COL11A1: variants seen among roughly 807,000 people sequenced by gnomAD.
The protein encoded by COL11A1 is collagen type XI alpha 1 chain.
COL11A1 carries 74 observed loss-of-function variants against 265.2 expected under a neutral mutation model. The observed-to-expected ratio is 0.28, with a 90% CI of 0.23 to 0.34. COL11A1 has a LOEUF of 0.34. COL11A1 is among the 10% of genes least tolerant of loss of function. COL11A1 has a pLI of 1.00. For synonymous variants in COL11A1, 816 were observed against 727.6 expected, an observed-to-expected ratio of 1.12 and a Z score of -1.96; for missense variants, 2,165 against 2,263.6, an observed-to-expected ratio of 0.96 and a Z score of 0.88.
At chr1:103,022,183 A>G (rs1667149252) in intron 8 of COL11A1, among the ~76,000 whole-genome samples, 3 of 152,126 alleles carry the variant, frequency 2.0e-5, no homozygotes, top group South Asian at 2.1e-4. Flanking sequence ...AAGATAATTT[A>G]GTAAACTAAA....
At chr1:103,004,232 C>T (rs905679387) in intron 20 of COL11A1, among the ~76,000 whole-genome samples, 1 of 151,998 alleles carries the variant, frequency 6.6e-6, no homozygotes, top group Non-Finnish European at 1.5e-5. Context: ...TGTTACATTC[C>T]ACAGATTTTT....
chr1:103,090,150 A>G (rs1673203065), intron 1 of COL11A1, among the ~76,000 whole-genome samples: 1 of 151,294 alleles, frequency 6.6e-6, no homozygotes, highest in Admixed American at 6.6e-5. Flanking sequence ...AATAAATAAT[A>G]AAATAAAATA....
chr1:102,954,849 TA>T lies in COL11A1; in HGVS notation c.3168+7016del, dbSNP rs144235911. ...ACAAGAGCGAAACTCCCTCTTGAAA[TA>T]AAAAAAAAAAAAAAAGAAGTTGACC... On this transcript the variant is annotated intron_variant, in intron 41 of 66. Transcript: ENST00000370096. 5.2e-3 allele frequency among the ~76,000 whole-genome samples: 728 copies of T among 139,980 alleles called. 3 individuals are homozygous for T. Among genetic ancestry groups the T allele is most frequent in the African/African-American group, 0.016 (570 of 36,360 alleles). 91.8% of individuals were successfully genotyped at this position (139,980 alleles called of 152,430 possible). A position where few individuals can be genotyped will look rare whatever the true frequency, so the allele number is the denominator to read the frequency against.
intron 54 of COL11A1, among the ~76,000 whole-genome samples, chr1:102,906,161 AT>A (rs1469243143): frequency 6.6e-6 from 1 of 152,118 alleles, no homozygotes; most frequent in Non-Finnish European, 1.5e-5. Flanking sequence ...CATTTTCTTA[AT>A]TTAGTCCTCA....
intron 51 of COL11A1, 145 bp from the exon 52 acceptor site, chr1:102,914,550 T>A: frequency 9.9e-7 from 1 of 1,006,620 alleles, no homozygotes; most frequent in Non-Finnish European, 1.5e-6. Context: ...TCTAAAGAAT[T>A]AATTCAATTG....
At chr1:102,972,444 G>A (rs1392338424) in intron 36 of COL11A1, among the ~76,000 whole-genome samples, 1 of 152,092 alleles carries the variant, frequency 6.6e-6, no homozygotes, top group African/African-American at 2.4e-5. Flanking sequence ...GGCTTTCCTA[G>A]ATAGACTGAG....
At position 103,002,766 on chromosome 1, in the gene COL11A1, G is replaced by A. The variant is rs2101832656; in HGVS notation, c.2024C>T (p.Pro675Leu). Residue 675 changes from proline to leucine, a missense_variant, in exon 22 of 67, where the codon CCA (proline) becomes CTA (leucine). Physicochemically the swap from Pro to Leu is moderately conservative, Grantham distance 98. Coordinates refer to ENST00000370096, the MANE Select transcript of COL11A1 (RefSeq NM_001854.4). ...QPGMAGVDGP[P>L]GPKGNMGPQG... is the part of the protein sequence containing the mutation. ...ACATACCATGTTCCCTTTTGGTCCT[G>A]GGGGGCCATCTACACCTGCCATACC... 6 of 1,612,120 alleles carry A rather than the reference G, an allele frequency of 3.7e-6. No individual in the cohort carries two copies. Among genetic ancestry groups the A allele is most frequent in the Non-Finnish European group, 5.1e-6 (6 of 1,178,642 alleles).
At chr1:103,025,400 G>T (rs545103398) in intron 7 of COL11A1, 121 bp downstream of exon 7, 1 of 766,296 alleles carries the variant, frequency 1.3e-6, no homozygotes, top group Admixed American at 2.2e-5. Flanking sequence ...TCTTACTTTA[G>T]TAAAAGAATA....
At chr1:102,942,209 A>T (rs1658792996) in intron 42 of COL11A1, among the ~76,000 whole-genome samples, 1 of 152,198 alleles carries the variant, frequency 6.6e-6, no homozygotes, top group Non-Finnish European at 1.5e-5. Flanking sequence ...TGATTCAGAT[A>T]GTTCCCCTTA....
intron 54 of COL11A1, among the ~76,000 whole-genome samples, chr1:102,911,264 A>G (rs915958792): frequency 6.6e-6 from 1 of 152,178 alleles, no homozygotes; most frequent in African/African-American, 2.4e-5. Flanking sequence ...AAATGTTTGT[A>G]AATATTGATT....
At chr1:103,065,303 G>A (rs1671019254) in intron 4 of COL11A1, among the ~76,000 whole-genome samples, 1 of 151,986 alleles carries the variant, frequency 6.6e-6, no homozygotes, top group Non-Finnish European at 1.5e-5. Flanking sequence ...GGAGGATCAC[G>A]AGGTCAGGAG....
At position 103,022,854 on chromosome 1, in the gene COL11A1, A is replaced by T; in HGVS notation, c.1133T>A (p.Leu378Ter). Residue 378 changes from leucine to a stop codon, truncating the protein, a stop_gained, in exon 8 of 67, where the codon TTA becomes TAA. Coordinates refer to ENST00000370096, the MANE Select transcript of COL11A1 (RefSeq NM_001854.4). LOFTEE classifies it high-confidence loss of function. ...RDSDLLVDGD[L>*]GEYDFYEYKE... is the part of the protein sequence containing the mutation. ...ATATTCATAAAAATCATATTCGCCT[A>T]AATCTCCATCTACCAGAAGATCAGA... The T allele has an allele frequency of 6.2e-7, 1 of 1,613,968 alleles. No homozygotes were observed. The highest frequency in any genetic ancestry group is 8.5e-7 in the Non-Finnish European group (1 of 1,179,958).
At position 103,025,665 on chromosome 1, in the gene COL11A1, G is replaced by A. The variant is rs759600662; in HGVS notation, c.898-52C>T. 5 of 1,572,788 alleles carry A rather than the reference G, an allele frequency of 3.2e-6. No individual in the cohort carries two copies. The South Asian group carries it at 3.3e-5, about 10-fold the overall frequency. On this transcript the variant is annotated intron_variant, in intron 6 of 66. Coordinates refer to ENST00000370096, the MANE Select transcript of COL11A1 (RefSeq NM_001854.4). ...GTAAACATGTAAGGTGATCCCAAAT[G>A]TATGGAAATCATGATTTAATTGGGT... is the stretch of plus-strand genomic sequence containing the variant.
At chr1:103,085,756 T>C (rs1017323225) in intron 1 of COL11A1, among the ~76,000 whole-genome samples, 1 of 152,196 alleles carries the variant, frequency 6.6e-6, no homozygotes, top group Non-Finnish European at 1.5e-5. Context: ...GCAACGGCTA[T>C]GTTTTTAAGC....
intron 4 of COL11A1, among the ~76,000 whole-genome samples, chr1:103,067,272 G>A (rs1671231690): frequency 6.6e-6 from 1 of 151,736 alleles, no homozygotes; most frequent in South Asian, 2.1e-4. Context: ...AAATCTAAAT[G>A]GATTGAGATC....
chr1:103,094,079 G>A (rs746302794), intron 1 of COL11A1, among the ~76,000 whole-genome samples: 42 of 152,038 alleles, frequency 2.8e-4, no homozygotes, highest in Non-Finnish European at 5.9e-4. Context: ...GGCTTCACAG[G>A]ATTTGCAGCA....
At chr1:102,937,746 A>G (rs1159673946) in intron 44 of COL11A1, among the ~76,000 whole-genome samples, 1 of 152,182 alleles carries the variant, frequency 6.6e-6, no homozygotes, top group East Asian at 1.9e-4. Context: ...AGCAGATGCC[A>G]GCCCCAGGCT....
chr1:103,063,513 CATGCAAAAAAATATCT>C (rs1670835186), intron 4 of COL11A1, among the ~76,000 whole-genome samples: 1 of 151,914 alleles, frequency 6.6e-6, no homozygotes, highest in Non-Finnish European at 1.5e-5. Context: ...TGGACAGCCA[CATGCAAAAAAATATCT>C]AAATACAAAC....
At chr1:102,974,179 A>AAAACAAAC (rs142086527) in intron 36 of COL11A1, among the ~76,000 whole-genome samples, 1,842 of 151,636 alleles carry the variant, frequency 0.012, 45 homozygotes, top group African/African-American at 0.042. Context: ...AGGAGGTTGC[A>AAAACAAAC]AAACAAACAA....
Sources: gnomAD v4.1 joint callset for allele counts (sites outside exome capture counted in the v4.1 genomes callset) on GRCh38, gnomAD v4.1.1 for gene constraint, MANE v1.5 for transcripts, NCBI Gene and HGNC (gene_info 2026-07-23, HGNC 2026-07-21) for gene names.